Variants in CADPS observed in about 807,000 individuals in gnomAD.
CADPS encodes calcium dependent secretion activator.
Under a neutral mutation model 167.3 loss-of-function variants are expected in CADPS, and 57 were observed. The observed-to-expected ratio is 0.34, with a 90% confidence interval of 0.28 to 0.42. CADPS has a LOEUF of 0.42. Among genes scored for constraint, CADPS ranks in the 20% least tolerant of loss-of-function variants. CADPS has a pLI of 1.00. For missense variants in CADPS, 1,414 were observed against 1,738.1 expected (o/e 0.81, Z 3.32); for synonymous variants, 676 against 635.3 (o/e 1.06, Z -0.96).
chr3:62,411,547 G>A (rs2048964903), intron 28 of CADPS, among the ~76,000 whole-genome samples: 1 of 152,178 alleles, frequency 6.6e-6, no homozygotes, highest in South Asian at 2.1e-4. Flanking sequence ...CTTACAATTT[G>A]GGTAATTTAA....
At chr3:62,854,060 A>T (rs977088849) in intron 1 of CADPS, among the ~76,000 whole-genome samples, 1 of 152,188 alleles carries the variant, frequency 6.6e-6, no homozygotes, top group Non-Finnish European at 1.5e-5. Flanking sequence ...CTGCCGCTCC[A>T]TTCCCTACAT....
Position 62,465,289 on chromosome 3 carries a change from G to T in CADPS, c.3636+78C>A. The stretch of plus-strand genomic sequence containing the variant: ...ACACACACCCATCCCAAAACAAAAT[G>T]ACACAACATAACTCCTCTCCCAAGC... On this transcript the variant is annotated intron_variant, in intron 26 of 29. Transcript: ENST00000383710. The surrounding 1 kb of genome is among the most constrained non-coding windows in gnomAD (Gnocchi z 4.1). 2 of 996,102 alleles carry T rather than the reference G, an allele frequency of 2.0e-6. No individual in the cohort carries two copies. The highest frequency in any genetic ancestry group is 1.6e-5 in the South Asian group (1 of 63,232). 61.7% of individuals were successfully genotyped at this position (996,102 alleles called of 1,614,324 possible). A position where few individuals can be genotyped will look rare whatever the true frequency, so the allele number is the denominator to read the frequency against.
intron 23 of CADPS, among the ~76,000 whole-genome samples, chr3:62,475,094 A>G (rs2061099240): frequency 6.6e-6 from 1 of 152,354 alleles, no homozygotes; most frequent in East Asian, 1.9e-4. Flanking sequence ...TACATATACA[A>G]ATTCAAGAAT....
chr3:62,793,807 T>A (rs1037258908), intron 1 of CADPS, among the ~76,000 whole-genome samples: 1 of 152,158 alleles, frequency 6.6e-6, no homozygotes, highest in Non-Finnish European at 1.5e-5. Flanking sequence ...GCATGCATAT[T>A]TGTTTGATGA....
chr3:62,576,150 C>A (rs2082225293), intron 8 of CADPS, among the ~76,000 whole-genome samples: 1 of 152,266 alleles, frequency 6.6e-6, no homozygotes, highest in African/African-American at 2.4e-5. Context: ...TGGCCCTGAA[C>A]TCTCTGTTTT....
chr3:62,843,775 T>C (rs1451392918), intron 1 of CADPS, among the ~76,000 whole-genome samples: 3 of 152,034 alleles, frequency 2.0e-5, no homozygotes, highest in African/African-American at 4.8e-5. Context: ...CTTTATCCCA[T>C]TGACCAGAAC....
chr3:62,762,210 C>T (rs190266803), intron 2 of CADPS, among the ~76,000 whole-genome samples: 8 of 152,280 alleles, frequency 5.3e-5, no homozygotes, highest in African/African-American at 1.9e-4. Context: ...ACAGGTTCCA[C>T]ATTCATGCAT....
chr3:62,493,569 A>G (rs1472175644), intron 19 of CADPS, 76 bp downstream of exon 19: 1 of 1,088,446 alleles, frequency 9.2e-7, no homozygotes, highest in Non-Finnish European at 1.4e-6. Context: ...TAGTTATTAG[A>G]GGGATATTCT....
chr3:62,505,695 T>A (rs900838667), intron 17 of CADPS, among the ~76,000 whole-genome samples: 3 of 152,226 alleles, frequency 2.0e-5, no homozygotes, highest in African/African-American at 7.2e-5. Flanking sequence ...TCATATGCCA[T>A]AACAAGAGAG....
At chr3:62,434,498 C>T (rs994226243) in intron 28 of CADPS, among the ~76,000 whole-genome samples, 16 of 151,958 alleles carry the variant, frequency 1.1e-4, no homozygotes, top group African/African-American at 3.9e-4. Flanking sequence ...ACATTATGTC[C>T]AAATGTATTT....
At position 62,874,922 on chromosome 3, in the gene CADPS, G is replaced by T. The variant is rs1329532583; in HGVS notation, c.108C>A (p.Ser36Arg). The change falls in exon 1 of 30, where the codon AGC becomes AGA. Residue 36 changes from serine to arginine, a missense_variant. Around this residue, in one of 6 missense-constraint regions of CADPS, gnomAD observed 522 missense variants for 559.5 expected, o/e 0.93. Coordinates refer to ENST00000383710, the MANE Select transcript of CADPS (RefSeq NM_003716.4). The surrounding 1 kb of genome is among the most constrained non-coding windows in gnomAD (Gnocchi z 7.1). The part of the protein sequence containing the change: ...SAPSGARLSP[S>R]RTSEGSAGSA... ...TGCCGGCCGAGCCCTCGCTGGTACG[G>T]CTGGGAGACAGGCGCGCGCCGGACG... The T allele has an allele frequency of 2.0e-6, 3 of 1,491,918 alleles. No individual in the cohort carries two copies. Among genetic ancestry groups the T allele is most frequent in the Middle Eastern group, 1.8e-4 (1 of 5,460 alleles). 92.4% of individuals were successfully genotyped at this position (1,491,918 alleles called of 1,614,324 possible).
chr3:62,594,943 C>T (rs902122402), intron 6 of CADPS, among the ~76,000 whole-genome samples: 1 of 152,110 alleles, frequency 6.6e-6, no homozygotes, highest in African/African-American at 2.4e-5. Flanking sequence ...TTTCTTCTGG[C>T]CTATTTTATC....
intron 24 of CADPS, 22 bp downstream of exon 24, chr3:62,474,151 G>GTCTTTTTTTTTTT: frequency 2.0e-6 from 1 of 496,848 alleles, no homozygotes; most frequent in Non-Finnish European, 2.7e-6. Context: ...AAAAAAATCT[G>GTCTTTTTTTTTTT]TATTTTTTTT....
At position 62,458,974 on chromosome 3, in the gene CADPS, G is replaced by C. The variant is rs1560648100; in HGVS notation, c.3636+6393C>G. ...TCTGAAGGGTTGCTTCAGACAGCAA[G>C]TGTGTTAATTGTTAACTCCATTTTC... On this transcript the variant is annotated intron_variant, in intron 26 of 29. Transcript: ENST00000383710. This position sits in a 1 kb window ranked among gnomAD's most constrained non-coding sequence, Gnocchi z 4.6. 6.6e-6 allele frequency among the ~76,000 whole-genome samples: 1 copy of C among 152,186 alleles called. No individual in the cohort carries two copies. Among genetic ancestry groups the C allele is most frequent in the Non-Finnish European group, 1.5e-5 (1 of 68,030 alleles).
At chr3:62,456,109 T>C (rs1045760202) in intron 26 of CADPS, among the ~76,000 whole-genome samples, 3 of 151,558 alleles carry the variant, frequency 2.0e-5, no homozygotes, top group Non-Finnish European at 4.4e-5. Context: ...CTGAGTTCTA[T>C]TAAACTAGCT....
At chr3:62,868,266 G>T (rs1037628843) in intron 1 of CADPS, among the ~76,000 whole-genome samples, 1 of 152,052 alleles carries the variant, frequency 6.6e-6, no homozygotes, top group Admixed American at 6.6e-5. Context: ...GGTCAGATCA[G>T]TGATACTTGT....
At chr3:62,694,605 C>T (rs563475939) in intron 3 of CADPS, among the ~76,000 whole-genome samples, 3 of 152,188 alleles carry the variant, frequency 2.0e-5, no homozygotes, top group South Asian at 4.1e-4. Flanking sequence ...GTGTACAATG[C>T]TTCTACCAGC....
At chr3:62,581,773 G>A (rs1578195690) in intron 8 of CADPS, among the ~76,000 whole-genome samples, 1 of 152,134 alleles carries the variant, frequency 6.6e-6, no homozygotes, top group African/African-American at 2.4e-5. Flanking sequence ...TGTCGGGGGG[G>A]CATTTATTAA....
intron 29 of CADPS, among the ~76,000 whole-genome samples, chr3:62,400,822 T>A (rs780587060): frequency 2.0e-5 from 3 of 152,026 alleles, no homozygotes; most frequent in Non-Finnish European, 4.4e-5. Context: ...ATGGTCTTGA[T>A]CTCCTGACCT....
Sources: gnomAD v4.1 joint callset for allele counts (sites outside exome capture counted in the v4.1 genomes callset) on GRCh38, gnomAD v4.1.1 for gene constraint, gnomAD v4.1.1 regional missense constraint, Gnocchi (gnomAD v3.1) non-coding constraint, MANE v1.5 for transcripts, NCBI Gene and HGNC (gene_info 2026-07-23, HGNC 2026-07-21) for gene names.